KTN1: variants seen among roughly 807,000 people sequenced by gnomAD.
KTN1 encodes the protein kinectin.
Under a neutral mutation model 222.5 loss-of-function variants are expected in KTN1, and 130 were observed. The ratio of observed to expected loss-of-function variants is 0.58; its 90% CI spans 0.51 to 0.68. KTN1 has a LOEUF of 0.68. Ranked by LOEUF, KTN1 falls within the 30% of genes least tolerant of loss-of-function variation. The probability of loss-of-function intolerance (pLI) is 0.00; values close to 1 mark genes in which losing one functional copy is unlikely to be tolerated. For synonymous variants in KTN1, 512 were observed against 496.3 expected (o/e 1.03, Z -0.42); for missense variants, 1,508 against 1,500.4 (o/e 1.01, Z -0.08).
At chr14:55,657,482 T>A (rs1283831627) in intron 29 of KTN1, among the ~76,000 whole-genome samples, 1 of 152,070 alleles carries the variant, frequency 6.6e-6, no homozygotes, top group Non-Finnish European at 1.5e-5. Flanking sequence ...TGAGGTGATT[T>A]ATTTTCCCCA....
At chr14:55,649,892 T>C (rs2042767175) in intron 22 of KTN1, 79 bp downstream of exon 22, 1 of 791,266 alleles carries the variant, frequency 1.3e-6, no homozygotes, top group Middle Eastern at 2.5e-4. Flanking sequence ...AATCTAGTTT[T>C]ATTGTGCAGT....
intron 5 of KTN1, among the ~76,000 whole-genome samples, chr14:55,626,622 G>C (rs556598394): frequency 6.6e-6 from 1 of 152,096 alleles, no homozygotes; most frequent in Non-Finnish European, 1.5e-5. Context: ...TACTACTACT[G>C]TTCTTCCAAT....
chr14:55,598,540 CAT>C (rs1271362636), intron 1 of KTN1, among the ~76,000 whole-genome samples: 1 of 148,680 alleles, frequency 6.7e-6, no homozygotes, highest in Non-Finnish European at 1.5e-5. Flanking sequence ...TAGTAAATTT[CAT>C]ATAAAGTCTG....
intron 1 of KTN1, 38 bp from the exon 2 acceptor site, chr14:55,611,981 C>CTT (rs1555363594): frequency 4.1e-4 from 318 of 767,690 alleles, no homozygotes; most frequent in South Asian, 8.3e-4. Context: ...CTGACAGGTT[C>CTT]TTTTTTTTTT....
At position 55,637,359 on chromosome 14, in the gene KTN1, G is replaced by T. The variant is rs766265729; in HGVS notation, c.1711G>T (p.Val571Phe). The change falls in exon 11 of 44, where the codon GTT becomes TTT. Residue 571 changes from valine (V) to phenylalanine (F), a missense_variant. Val to Phe is a conservative substitution (Grantham distance 50, BLOSUM62 -1). Transcript: ENST00000395314. The part of the protein sequence containing the change: ...VNKEESLQMQ[V>F]QDILEQNEAL... ...CAAAGAAGAGTCTCTACAAATGCAG[G>T]TTCAGGTATTTTTTCTTCTTTTTTT... is the stretch of plus-strand genomic sequence containing the variant. 11 of 1,542,614 alleles carry T rather than the reference G, an allele frequency of 7.1e-6. No individual in the cohort carries two copies. The highest frequency in any genetic ancestry group is 4.4e-6 in the Non-Finnish European group (5 of 1,146,534).
chr14:55,590,856 A>G (rs1199296248), intron 1 of KTN1, among the ~76,000 whole-genome samples: 2 of 151,870 alleles, frequency 1.3e-5, no homozygotes, highest in Admixed American at 6.6e-5. Context: ...TTATATTTTT[A>G]GTAGAGACGG....
chr14:55,670,890 A>G, intron 35 of KTN1, 81 bp downstream of exon 35: 1 of 872,790 alleles, frequency 1.1e-6, no homozygotes, highest in South Asian at 1.8e-5. Flanking sequence ...AAGCTTGGAA[A>G]AGATAAAAGA....
At chr14:55,643,510 T>C (rs2041998438) in intron 18 of KTN1, among the ~76,000 whole-genome samples, 1 of 152,188 alleles carries the variant, frequency 6.6e-6, no homozygotes, top group Non-Finnish European at 1.5e-5. Flanking sequence ...CAGAGATTTT[T>C]GAAATGCTGA....
chr14:55,639,852 A>G, intron 13 of KTN1, 61 bp from the exon 14 acceptor site: 3 of 1,074,120 alleles, frequency 2.8e-6, no homozygotes, highest in African/African-American at 1.6e-5. Flanking sequence ...AAGGCTTTAA[A>G]TCCTTTTGAT....
At chr14:55,680,867 A>C (rs563489988) in intron 43 of KTN1, 4 of 439,568 alleles carry the variant, frequency 9.1e-6, no homozygotes, top group African/African-American at 8.3e-5. Flanking sequence ...CAGTTTCCCA[A>C]TGTAAAAATT....
At chr14:55,595,458 A>G (rs1318219108) in intron 1 of KTN1, among the ~76,000 whole-genome samples, 1 of 1,090 alleles carries the variant, frequency 9.2e-4, no homozygotes, top group Non-Finnish European at 3.8e-3. Context: ...TAACCAGGTA[A>G]CTCAGAGTAA....
At chr14:55,604,379 T>A (rs1219123484) in intron 1 of KTN1, among the ~76,000 whole-genome samples, 3 of 152,166 alleles carry the variant, frequency 2.0e-5, no homozygotes, top group Non-Finnish European at 4.4e-5. Context: ...TGTCATTTTT[T>A]AAAAATGAGA....
intron 5 of KTN1, among the ~76,000 whole-genome samples, chr14:55,621,329 A>C (rs1478823989): frequency 6.6e-6 from 1 of 152,114 alleles, no homozygotes; most frequent in Non-Finnish European, 1.5e-5. Context: ...CCAGTTGTAA[A>C]GTCACATCCA....
intron 7 of KTN1, among the ~76,000 whole-genome samples, chr14:55,632,061 G>C (rs2040596282): frequency 6.6e-6 from 1 of 152,050 alleles, no homozygotes; most frequent in African/African-American, 2.4e-5. Context: ...GAATGATGCT[G>C]TTTTCATGTT....
chr14:55,598,210 C>T (rs1019764725), intron 1 of KTN1, among the ~76,000 whole-genome samples: 8 of 151,988 alleles, frequency 5.3e-5, no homozygotes, highest in Non-Finnish European at 1.2e-4. Context: ...CCGAAGCGGG[C>T]GGATCACGAG....
chr14:55,656,879 T>C (rs1306703698), intron 29 of KTN1, among the ~76,000 whole-genome samples: 1 of 152,232 alleles, frequency 6.6e-6, no homozygotes, highest in Non-Finnish European at 1.5e-5. Context: ...TGAATACTTT[T>C]ACTAGTGTTA....
chr14:55,640,121 A>G (rs2041617851), intron 14 of KTN1, 118 bp downstream of exon 14: 1 of 727,676 alleles, frequency 1.4e-6, no homozygotes, highest in Non-Finnish European at 2.3e-6. Flanking sequence ...ATTCATTTGA[A>G]ATAACTGTTT....
At chr14:55,654,966 T>G (rs1446373887) in intron 28 of KTN1, among the ~76,000 whole-genome samples, 1 of 152,152 alleles carries the variant, frequency 6.6e-6, no homozygotes. Flanking sequence ...ATATGGCTTT[T>G]CTGGTTTGGC....
intron 18 of KTN1, among the ~76,000 whole-genome samples, chr14:55,642,171 C>T (rs2041871180): frequency 6.6e-6 from 1 of 152,064 alleles, no homozygotes; most frequent in East Asian, 1.9e-4. Flanking sequence ...TTTGTGACAC[C>T]TCTCATTCCA....
Sources: gnomAD v4.1 joint callset for allele counts (sites outside exome capture counted in the v4.1 genomes callset) on GRCh38, gnomAD v4.1.1 for gene constraint, MANE v1.5 for transcripts, NCBI Gene and HGNC (gene_info 2026-07-23, HGNC 2026-07-21) for gene names.